RNF6: variants seen among roughly 807,000 people sequenced by gnomAD.
RNF6 encodes E3 ubiquitin-protein ligase RNF6.
RNF6 carries 21 observed loss-of-function variants against 50.1 expected under a neutral mutation model. The observed-to-expected ratio is 0.42, with a 90% CI of 0.30 to 0.60. The LOEUF (loss-of-function observed/expected upper bound fraction) is 0.60. Ranked by LOEUF, RNF6 falls within the 20% of genes least tolerant of loss-of-function variation. RNF6 has a pLI of 0.20. For synonymous variants in RNF6, 255 were observed against 291.8 expected, an observed-to-expected ratio of 0.87 and a Z score of 1.29; for missense variants, 698 against 838.2, an observed-to-expected ratio of 0.83 and a Z score of 2.07.
chr13:26,215,289 C>T lies in RNF6; in HGVS notation c.593G>A (p.Arg198Lys), dbSNP rs1279007859. 1 of 1,614,190 alleles carries T rather than the reference C, an allele frequency of 6.2e-7. No individual in the cohort carries two copies. The highest frequency in any genetic ancestry group is 1.6e-4 in the Middle Eastern group (1 of 6,062). ...ATTGAAATTCACTGAGGTTTGGCTT[C>T]TTGTTCGCCTAGCCACAGGACTAGT... is the stretch of plus-strand genomic sequence containing the variant. ...RSTSPVARRT[R>K]SQTSVNFNGS... Residue 198 changes from arginine to lysine, a missense_variant, in exon 5 of 5, where the codon AGA becomes AAA. Arg to Lys is a conservative substitution (Grantham distance 26, BLOSUM62 2). Coordinates refer to ENST00000381588, the MANE Select transcript of RNF6 (RefSeq NM_005977.4).
downstream of RNF6, among the ~76,000 whole-genome samples, chr13:26,208,073 C>T (rs1390874635): frequency 6.6e-6 from 1 of 152,146 alleles, no homozygotes; most frequent in Non-Finnish European, 1.5e-5. Flanking sequence ...GGAGAATGTG[C>T]TGGAATGGAG....
chr13:26,172,601 T>A (rs1260314184), intron 5 of RNF6, among the ~76,000 whole-genome samples: 1 of 151,452 alleles, frequency 6.6e-6, no homozygotes, highest in African/African-American at 2.4e-5. Flanking sequence ...TGGAGTGCAG[T>A]GGCGCGATCT....
intron 5 of RNF6, among the ~76,000 whole-genome samples, chr13:26,173,159 T>C (rs895719513): frequency 2.6e-5 from 4 of 152,156 alleles, no homozygotes; most frequent in Non-Finnish European, 4.4e-5. Flanking sequence ...ACAACCATTG[T>C]AGAGAGAGCA....
At chr13:26,205,481 A>T (rs1470356646) in intron 5 of RNF6, among the ~76,000 whole-genome samples, 1 of 152,130 alleles carries the variant, frequency 6.6e-6, no homozygotes, top group African/African-American at 2.4e-5. Context: ...TTTCCATGGG[A>T]TATATATCCA....
Position 26,188,221 on chromosome 13 carries a change from T to C in RNF6, n.768+27253A>G, listed in dbSNP as rs145634891. Among the ~76,000 whole-genome samples the C allele has an allele frequency of 1.2e-3, 184 of 152,316 alleles. 2 individuals carry two copies. The highest frequency in any genetic ancestry group is 1.8e-3 in the Non-Finnish European group (124 of 68,036). ...CAATTGCTGATGCAAAACTAGATTC[T>C]ATAAGTGTAAACTGGTGGTTCACAA... On this transcript the variant is annotated intron_variant and non_coding_transcript_variant, in intron 5 of 5. Transcript: ENST00000468480.
At chr13:26,183,385 A>T (rs768398575) in intron 5 of RNF6, among the ~76,000 whole-genome samples, 1 of 152,206 alleles carries the variant, frequency 6.6e-6, no homozygotes, top group African/African-American at 2.4e-5. Flanking sequence ...AGGAGCTCAA[A>T]ATCAATGAGA....
intron 5 of RNF6, among the ~76,000 whole-genome samples, chr13:26,165,176 G>C (rs1360135966): frequency 6.6e-6 from 1 of 152,204 alleles, no homozygotes; most frequent in East Asian, 1.9e-4. Flanking sequence ...GGCCAACGTA[G>C]AACTTGGGAC....
At chr13:26,206,059 A>G (rs1261833503) in intron 5 of RNF6, among the ~76,000 whole-genome samples, 1 of 152,190 alleles carries the variant, frequency 6.6e-6, no homozygotes, top group Non-Finnish European at 1.5e-5. Context: ...AGCTTAATGC[A>G]GCATTAAAGT....
intron 1 of RNF6, chr13:26,221,725 C>CG: frequency 6.6e-6 from 1 of 152,306 alleles, no homozygotes; most frequent in East Asian, 1.9e-4. Context: ...CGGAAGCTCG[C>CG]GCCGGGGGAC....
In RNF6 at chr13:26,215,314, T is replaced by A. The variant is rs149013479; in HGVS notation, c.568A>T (p.Thr190Ser). Reference sequence around the variant, plus strand: ...CTTGTTCGCCTAGCCACAGGACTAGTTGACCTTTGTTGCCTATTTGCAGTA... The same window carrying A: ...CTTGTTCGCCTAGCCACAGGACTAGATGACCTTTGTTGCCTATTTGCAGTA... ...DHTANRQQRSTSPVARRTRSQ... is the reference protein window; with the variant it reads ...DHTANRQQRSSSPVARRTRSQ... The change falls in exon 5 of 5, where the codon ACT becomes TCT. Residue 190 changes from threonine (T) to serine (S), a missense_variant. By Grantham distance (58) the Thr-to-Ser change is moderately conservative. Coordinates refer to ENST00000381588, the MANE Select transcript of RNF6 (RefSeq NM_005977.4). The A allele has an allele frequency of 7.4e-6, 12 of 1,614,138 alleles. No individual in the cohort carries two copies. In the South Asian group the frequency reaches 1.1e-4, roughly 15 times the overall value.
At chr13:26,208,206 A>G (rs1869185201), downstream of RNF6, among the ~76,000 whole-genome samples, 1 of 152,204 alleles carries the variant, frequency 6.6e-6, no homozygotes. Flanking sequence ...GGAATACTCT[A>G]TTCCCTGAGA....
intron 5 of RNF6, among the ~76,000 whole-genome samples, chr13:26,202,099 G>T (rs892601437): frequency 1.3e-5 from 2 of 152,178 alleles, no homozygotes; most frequent in African/African-American, 4.8e-5. Flanking sequence ...GAAGCTAACA[G>T]CGGTAAACTT....
intron 5 of RNF6, among the ~76,000 whole-genome samples, chr13:26,187,219 G>A (rs1873595862): frequency 6.8e-6 from 1 of 146,978 alleles, no homozygotes; most frequent in Non-Finnish European, 1.5e-5. Flanking sequence ...TCCTGGCTGC[G>A]ACGTGGGGCG....
chr13:26,142,745 A>T (rs1420625765), intron 5 of RNF6, among the ~76,000 whole-genome samples: 1 of 152,170 alleles, frequency 6.6e-6, no homozygotes, highest in Non-Finnish European at 1.5e-5. Context: ...GATGGGGGAA[A>T]GTGCTAAAAA....
intron 5 of RNF6, among the ~76,000 whole-genome samples, chr13:26,132,918 C>T (rs753647527): frequency 3.3e-5 from 5 of 151,994 alleles, no homozygotes; most frequent in Admixed American, 1.3e-4. Context: ...TTTGGTGGTT[C>T]TGCGGTGGGG....
Position 26,215,128 on chromosome 13 carries a change from G to T in RNF6, c.754C>A (p.Arg252Ser), listed in dbSNP as rs1869725480. ...TTTGTGTGACTACTGAAATTAGTGC[G>T]TGAAGCGTTAGCTCGAGGAATGCCA... Reference protein sequence around the residue: ...AAGIPRANASRTNFSSHTNQS... With the variant: ...AAGIPRANASSTNFSSHTNQS... The change falls in exon 5 of 5, where the codon CGC becomes AGC. Residue 252 changes from arginine to serine, a missense_variant. Arg to Ser is a moderately radical substitution (Grantham distance 110, BLOSUM62 -1). Transcript: ENST00000381588. The T allele has an allele frequency of 1.2e-6, 2 of 1,614,172 alleles. No individual in the cohort carries two copies. Among genetic ancestry groups the T allele is most frequent in the Non-Finnish European group, 1.7e-6 (2 of 1,180,042 alleles).
intron 5 of RNF6, among the ~76,000 whole-genome samples, chr13:26,163,818 G>A (rs900348116): frequency 4.6e-5 from 7 of 152,146 alleles, no homozygotes; most frequent in Admixed American, 1.3e-4. Flanking sequence ...TTTTCTTTTG[G>A]AAAATGGATT....
At chr13:26,222,903 G>T (rs1357720800), upstream of RNF6, among the ~76,000 whole-genome samples, 2 of 152,148 alleles carry the variant, frequency 1.3e-5, no homozygotes, top group South Asian at 2.1e-4. Flanking sequence ...ATGAGGCACC[G>T]CACCCCACTA....
intron 5 of RNF6, among the ~76,000 whole-genome samples, chr13:26,184,806 CTG>C (rs778688250): frequency 6.6e-6 from 1 of 152,168 alleles, no homozygotes; most frequent in Non-Finnish European, 1.5e-5. Flanking sequence ...AGCATACACA[CTG>C]TGCAGGCCAC....
Sources: gnomAD v4.1 joint callset for allele counts (sites outside exome capture counted in the v4.1 genomes callset) on GRCh38, gnomAD v4.1.1 for gene constraint, MANE v1.5 for transcripts, NCBI Gene and HGNC (gene_info 2026-07-23, HGNC 2026-07-21) for gene names.